CLASP2: variants seen among roughly 807,000 people sequenced by gnomAD.
CLASP2 encodes cytoplasmic linker associated protein 2, also known as CLIP-associating protein 2.
Under a neutral mutation model 194.4 loss-of-function variants are expected in CLASP2, and 47 were observed. That is an observed-to-expected ratio of 0.24 (90% CI 0.19 to 0.31). The LOEUF (loss-of-function observed/expected upper bound fraction) is 0.31. Ranked by LOEUF, CLASP2 falls within the 10% of genes least tolerant of loss-of-function variation. CLASP2 has a pLI of 1.00. For synonymous variants in CLASP2, 619 were observed against 633.5 expected, an observed-to-expected ratio of 0.98 and a Z score of 0.34; for missense variants, 1,445 against 1,823.6, an observed-to-expected ratio of 0.79 and a Z score of 3.78.
chr3:33,551,331 A>G lies in CLASP2; in HGVS notation c.3074T>C (p.Ile1025Thr). The stretch of plus-strand genomic sequence containing the variant: ...TGCTAGGCGAGTTTCACTGGAATTT[A>G]TAAAATCTCCTGGATCCATCTGTTT... ...LAKQMDPGDF[I>T]NSSETRLAVS... Residue 1025 changes from isoleucine (I) to threonine (T), a missense_variant, in exon 30 of 39, where the codon ATA becomes ACA. Around this residue, in one of 4 missense-constraint regions of CLASP2, gnomAD observed 732 missense variants for 987.9 expected, o/e 0.74. Transcript: ENST00000682230. The G allele has an allele frequency of 6.2e-7, 1 of 1,613,902 alleles. No homozygotes were observed. Among genetic ancestry groups the G allele is most frequent in the Middle Eastern group, 1.6e-4 (1 of 6,062 alleles).
chr3:33,534,259 C>A (rs1000766996), intron 34 of CLASP2, among the ~76,000 whole-genome samples: 4 of 151,984 alleles, frequency 2.6e-5, no homozygotes, highest in African/African-American at 9.7e-5. Context: ...AAATATGTTT[C>A]CTTATTATAA....
Position 33,501,784 on chromosome 3 carries a change from C to T in CLASP2, c.4318-16G>A. 3 of 1,531,184 alleles carry T rather than the reference C, an allele frequency of 2.0e-6. No individual in the cohort carries two copies. Among genetic ancestry groups the T allele is most frequent in the Non-Finnish European group, 2.7e-6 (3 of 1,105,008 alleles). 94.8% of individuals were successfully genotyped at this position (1,531,184 alleles called of 1,614,324 possible). A position where few individuals can be genotyped will look rare whatever the true frequency, so the allele number is the denominator to read the frequency against. On this transcript the variant is annotated splice_polypyrimidine_tract_variant and intron_variant, in intron 37 of 38. Transcript: ENST00000682230. ...TATCATAACCCTACGGAGAGAAGTC[C>T]ACTGTTAGTACTCCAGAGAAGTCCA...
intron 6 of CLASP2, among the ~76,000 whole-genome samples, chr3:33,682,566 T>C (rs985093473): frequency 6.6e-5 from 10 of 152,104 alleles, no homozygotes; most frequent in African/African-American, 2.4e-4. Context: ...AATTTCATTA[T>C]GAAGAAAAAG....
chr3:33,648,680 T>C (rs1264326840), intron 7 of CLASP2, among the ~76,000 whole-genome samples: 2 of 152,220 alleles, frequency 1.3e-5, no homozygotes, highest in Admixed American at 6.5e-5. Context: ...GTTATAAATA[T>C]TCTGGGCTTG....
chr3:33,547,557 A>G (rs2059341948), intron 30 of CLASP2, among the ~76,000 whole-genome samples: 2 of 152,218 alleles, frequency 1.3e-5, no homozygotes, highest in South Asian at 2.1e-4. Flanking sequence ...AGATTAAGGC[A>G]TTCATATTCA....
chr3:33,663,385 T>G (rs888339239), intron 7 of CLASP2, 60 bp downstream of exon 7: 1 of 1,300,492 alleles, frequency 7.7e-7, no homozygotes, highest in Non-Finnish European at 1.1e-6. Context: ...ATAATACATT[T>G]TAGTGCCTAA....
chr3:33,508,515 T>C (rs1172886257), intron 37 of CLASP2, among the ~76,000 whole-genome samples: 1 of 148,744 alleles, frequency 6.7e-6, no homozygotes, highest in Admixed American at 6.7e-5. Flanking sequence ...TTTTAGTAGA[T>C]ATGGGGTTTC....
chr3:33,658,851 T>C (rs2154330331), intron 7 of CLASP2: 1 of 847,480 alleles, frequency 1.2e-6, no homozygotes. Context: ...TGTACACACA[T>C]GCATAAACAC....
At chr3:33,506,074 T>C (rs1378631358) in intron 37 of CLASP2, among the ~76,000 whole-genome samples, 1 of 151,918 alleles carries the variant, frequency 6.6e-6, no homozygotes. Context: ...ACATGATACT[T>C]AGAATTTGCT....
intron 21 of CLASP2, among the ~76,000 whole-genome samples, chr3:33,589,742 A>C (rs896125488): frequency 6.6e-6 from 1 of 152,118 alleles, no homozygotes; most frequent in Non-Finnish European, 1.5e-5. Flanking sequence ...AAATGCAAAA[A>C]ATTATTCTAT....
At chr3:33,510,252 TAC>T (rs2049365215) in intron 37 of CLASP2, among the ~76,000 whole-genome samples, 1 of 152,146 alleles carries the variant, frequency 6.6e-6, no homozygotes, top group African/African-American at 2.4e-5. Context: ...GCTTAATGGG[TAC>T]AGAGTTTCAG....
At chr3:33,684,495 T>A in intron 5 of CLASP2, 39 bp from the exon 6 acceptor site, 1 of 1,342,370 alleles carries the variant, frequency 7.4e-7, no homozygotes, top group Non-Finnish European at 1.0e-6. Flanking sequence ...AACTTATATA[T>A]GATACAATAA....
intron 27 of CLASP2, among the ~76,000 whole-genome samples, chr3:33,564,547 ATG>A (rs1484295024): frequency 6.6e-6 from 1 of 152,144 alleles, no homozygotes; most frequent in African/African-American, 2.4e-5. Context: ...AAATGTGGAC[ATG>A]TTATTTGCTG....
At position 33,529,538 on chromosome 3, in the gene CLASP2, A is replaced by C. The variant is rs185715908; in HGVS notation, c.3787+5695T>G. ...ACTGCAAATCTGTGAGCCATTTTAC[A>C]TTCATATTTGAGGAGCCATCTTCTA... is the stretch of plus-strand genomic sequence containing the variant. On this transcript the variant is annotated intron_variant, in intron 34 of 38. Coordinates refer to ENST00000682230, the MANE Select transcript of CLASP2 (RefSeq NM_001365631.1). Among the ~76,000 whole-genome samples the C allele has an allele frequency of 2.0e-5, 3 of 152,166 alleles. No individual in the cohort carries two copies. The East Asian group carries it at 5.8e-4, about 29-fold the overall frequency.
chr3:33,708,797 C>G (rs1477913997), intron 1 of CLASP2, among the ~76,000 whole-genome samples: 1 of 151,948 alleles, frequency 6.6e-6, no homozygotes, highest in East Asian at 1.9e-4. Context: ...ATAGCTGTAC[C>G]AATTTACATT....
chr3:33,596,589 A>T, intron 19 of CLASP2, 122 bp downstream of exon 19: 1 of 782,676 alleles, frequency 1.3e-6, no homozygotes, highest in Non-Finnish European at 2.1e-6. Context: ...TCACATTAAC[A>T]TTATCACTAA....
intron 21 of CLASP2, among the ~76,000 whole-genome samples, chr3:33,589,288 T>C (rs1250026421): frequency 6.6e-6 from 1 of 152,104 alleles, no homozygotes; most frequent in African/African-American, 2.4e-5. Context: ...AATATAGATC[T>C]AGTGCTCTCT....
At position 33,709,729 on chromosome 3, in the gene CLASP2, C is replaced by A. The variant is rs1401726732; in HGVS notation, c.195+8079G>T. Among the ~76,000 whole-genome samples the A allele has an allele frequency of 3.3e-5, 5 of 152,112 alleles. No homozygotes were observed. In the East Asian group the frequency reaches 9.6e-4, roughly 29 times the overall value. The stretch of plus-strand genomic sequence containing the variant: ...CATTTTAGATTTTTGACCTCTAGAA[C>A]TGTAAAAGAATAAATGTATAAGTGT... On this transcript the variant is annotated intron_variant, in intron 1 of 38. Coordinates refer to ENST00000682230, the MANE Select transcript of CLASP2 (RefSeq NM_001365631.1).
intron 12 of CLASP2, 89 bp from the exon 13 acceptor site, chr3:33,612,160 A>G (rs1223524198): frequency 2.9e-5 from 23 of 789,544 alleles, no homozygotes; most frequent in South Asian, 3.4e-5. Flanking sequence ...GTATTTAGTT[A>G]TGTTACAAGA....
Sources: allele counts gnomAD v4.1 joint callset (sites outside exome capture counted in the v4.1 genomes callset), GRCh38; gene constraint gnomAD v4.1.1; regional missense constraint gnomAD v4.1.1; transcripts MANE v1.5; gene names NCBI Gene and HGNC (gene_info 2026-07-23, HGNC 2026-07-21).